The following DTL variants were observed in gnomAD, a reference collection of about 807,000 sequenced individuals.
DTL encodes the protein denticleless E3 ubiquitin protein ligase adapter.
DTL carries 46 observed loss-of-function variants against 87.0 expected under a neutral mutation model. The ratio of observed to expected loss-of-function variants is 0.53; its 90% CI spans 0.42 to 0.68. DTL has a LOEUF of 0.68. DTL is among the 30% of genes least tolerant of loss of function. The pLI, the probability that DTL is intolerant of heterozygous loss-of-function variation, is 0.00. For synonymous variants in DTL, 308 were observed against 311.2 expected (o/e 0.99, Z 0.11); for missense variants, 737 against 869.4 (o/e 0.85, Z 1.91).
chr1:212,064,990 C>T lies in DTL; in HGVS notation c.600C>T (p.Pro200=), dbSNP rs1249415507. The change falls in exon 7 of 15, where the codon CCC becomes CCT. Residue 200 remains proline, a synonymous_variant. Coordinates refer to ENST00000366991, the MANE Select transcript of DTL (RefSeq NM_016448.4). ...CAGACAAGCAAACCCCTTCAAAACC[C>T]AAGAAGAAACAGAATTCAAAAGGAC... ...NTSDKQTPSK[P]KKKQNSKGLA... 2 of 1,613,912 alleles carry T rather than the reference C, an allele frequency of 1.2e-6. No individual in the cohort carries two copies. The highest frequency in any genetic ancestry group is 2.7e-5 in the African/African-American group (2 of 74,904).
chr1:212,040,289 GTCTT>G (rs1192121641), intron 1 of DTL, among the ~76,000 whole-genome samples: 2 of 152,162 alleles, frequency 1.3e-5, no homozygotes, highest in African/African-American at 4.8e-5. Flanking sequence ...TATGCGGTCT[GTCTT>G]TGGCCAAAAT....
chr1:212,067,845 C>T (rs777384101), intron 8 of DTL, among the ~76,000 whole-genome samples: 2 of 152,038 alleles, frequency 1.3e-5, no homozygotes, highest in Non-Finnish European at 2.9e-5. Context: ...GAGATATAAC[C>T]ACAGGGACAG....
chr1:212,036,761 A>G (rs1330208831), intron 1 of DTL, among the ~76,000 whole-genome samples: 1 of 152,244 alleles, frequency 6.6e-6, no homozygotes, highest in African/African-American at 2.4e-5. Flanking sequence ...AGTTTCAGAT[A>G]AGGGAGCTAA....
chr1:212,061,901 G>C (rs1416391074), intron 5 of DTL, among the ~76,000 whole-genome samples: 1 of 152,142 alleles, frequency 6.6e-6, no homozygotes, highest in African/African-American at 2.4e-5. Flanking sequence ...ATGGATACAA[G>C]CATAAAGTTA....
chr1:212,062,787 C>T lies in DTL; in HGVS notation c.461-97C>T, dbSNP rs112455386. 4 of 903,972 alleles carry T rather than the reference C, an allele frequency of 4.4e-6. No homozygotes were observed. In the South Asian group the frequency reaches 5.5e-5, roughly 13 times the overall value. 56.0% of individuals were successfully genotyped at this position (903,972 alleles called of 1,614,324 possible). ...TGATCTCCAGTGACAGATACAGTAC[C>T]TAGCACATAATAGATAGTCTACAAA... is the stretch of plus-strand genomic sequence containing the variant. On this transcript the variant is annotated intron_variant, in intron 5 of 14. Coordinates refer to ENST00000366991, the MANE Select transcript of DTL (RefSeq NM_016448.4).
intron 11 of DTL, among the ~76,000 whole-genome samples, chr1:212,073,683 G>C (rs1654743983): frequency 6.6e-6 from 1 of 152,050 alleles, no homozygotes; most frequent in African/African-American, 2.4e-5. Flanking sequence ...TGGAAATATT[G>C]CTCTATCCAA....
rs552542995 is a variant in DTL, at chr1:212,097,107, A to G, written c.1262-3145A>G. ...CATCTTTTCTTCATTTATGAAGCTTAGTTTCACTGGATACAAAATTCTTGG... is the reference window on the plus strand; with the variant it reads ...CATCTTTTCTTCATTTATGAAGCTTGGTTTCACTGGATACAAAATTCTTGG... On this transcript the variant is annotated intron_variant, in intron 13 of 14. Coordinates refer to ENST00000366991, the MANE Select transcript of DTL (RefSeq NM_016448.4). 3.3e-5 allele frequency among the ~76,000 whole-genome samples: 5 copies of G among 152,310 alleles called. No individual in the cohort carries two copies. The South Asian group carries it at 1.0e-3, about 32-fold the overall frequency.
chr1:212,046,504 G>GT (rs1250492094), intron 3 of DTL, among the ~76,000 whole-genome samples: 2 of 151,978 alleles, frequency 1.3e-5, no homozygotes, highest in African/African-American at 4.8e-5. Context: ...ATGTGTTCTC[G>GT]TTGTTCAGCT....
At chr1:212,072,701 TA>T (rs1654709831) in intron 11 of DTL, among the ~76,000 whole-genome samples, 1 of 151,966 alleles carries the variant, frequency 6.6e-6, no homozygotes, top group South Asian at 2.1e-4. Flanking sequence ...TTCAGGCCAC[TA>T]AAGTAGATAT....
chr1:212,052,656 A>AAAAG (rs1553256764), intron 5 of DTL, among the ~76,000 whole-genome samples: 1 of 150,780 alleles, frequency 6.6e-6, no homozygotes, highest in African/African-American at 2.4e-5. Context: ...AAAAAAAAAA[A>AAAAG]AAAGAAATAT....
intron 7 of DTL, among the ~76,000 whole-genome samples, 164 bp from the exon 8 acceptor site, chr1:212,066,648 G>C (rs939186569): frequency 2.0e-5 from 3 of 152,130 alleles, no homozygotes; most frequent in African/African-American, 7.2e-5. Context: ...AATGATCCTT[G>C]CTAAAATTAC....
intron 14 of DTL, 69 bp downstream of exon 14, chr1:212,101,153 T>G: frequency 3.1e-6 from 3 of 977,660 alleles, no homozygotes; most frequent in Non-Finnish European, 4.2e-6. Flanking sequence ...ATGTCTCAAG[T>G]CAGGATGCTT....
chr1:212,091,944 G>A (rs531833605), intron 13 of DTL, among the ~76,000 whole-genome samples: 2 of 152,196 alleles, frequency 1.3e-5, no homozygotes, highest in Admixed American at 6.5e-5. Flanking sequence ...TTACGAAATA[G>A]TATATATATA....
intron 3 of DTL, among the ~76,000 whole-genome samples, chr1:212,046,243 A>G (rs903117268): frequency 2.0e-5 from 3 of 152,188 alleles, no homozygotes; most frequent in Admixed American, 6.5e-5. Context: ...CTCTTTGCTC[A>G]TGCCAAAGGG....
At chr1:212,059,608 A>G (rs1372928204) in intron 5 of DTL, among the ~76,000 whole-genome samples, 1 of 152,130 alleles carries the variant, frequency 6.6e-6, no homozygotes, top group African/African-American at 2.4e-5. Context: ...TGAGAACTGG[A>G]ACAAGACAAG....
At chr1:212,101,720 G>A (rs879501459) in intron 14 of DTL, among the ~76,000 whole-genome samples, 1 of 152,112 alleles carries the variant, frequency 6.6e-6, no homozygotes, top group Admixed American at 6.6e-5. Flanking sequence ...ATTCAGTGTA[G>A]TGTCACTTAT....
At chr1:212,043,881 T>G (rs1391573125) in intron 2 of DTL, among the ~76,000 whole-genome samples, 1 of 151,290 alleles carries the variant, frequency 6.6e-6, no homozygotes, top group Non-Finnish European at 1.5e-5. Context: ...CATAATAGTT[T>G]GAGAGGAAAG....
chr1:212,090,894 C>T (rs1457935364), intron 13 of DTL, among the ~76,000 whole-genome samples: 1 of 152,198 alleles, frequency 6.6e-6, no homozygotes, highest in African/African-American at 2.4e-5. Context: ...GCCCAAGTCA[C>T]ATAGTAAGTG....
chr1:212,087,424 C>T (rs1254843925), intron 13 of DTL, among the ~76,000 whole-genome samples: 5 of 152,118 alleles, frequency 3.3e-5, no homozygotes, highest in African/African-American at 1.2e-4. Context: ...GTGGCACACG[C>T]CTGTAGTCCC....
Sources: allele counts gnomAD v4.1 joint callset (sites outside exome capture counted in the v4.1 genomes callset), GRCh38; gene constraint gnomAD v4.1.1; transcripts MANE v1.5; gene names NCBI Gene and HGNC (gene_info 2026-07-23, HGNC 2026-07-21).